Variants in ARGLU1 observed in about 807,000 individuals in gnomAD.
ARGLU1 encodes the protein arginine and glutamate-rich protein 1.
Under a neutral mutation model 37.6 loss-of-function variants are expected in ARGLU1, and 9 were observed. The observed-to-expected ratio is 0.24, with a 90% CI of 0.14 to 0.42. The LOEUF (loss-of-function observed/expected upper bound fraction) is 0.42, where lower values mean the gene tolerates loss of function less well. Among genes scored for constraint, ARGLU1 ranks in the 10% least tolerant of loss-of-function variants. ARGLU1 has a pLI of 1.00. For missense variants in ARGLU1, 211 were observed against 359.2 expected (o/e 0.59, Z 3.34); for synonymous variants, 166 against 138.5 (o/e 1.20, Z -1.39).
chr13:106,562,811 G>A (rs1042219804), intron 1 of ARGLU1, among the ~76,000 whole-genome samples: 3 of 151,312 alleles, frequency 2.0e-5, no homozygotes, highest in South Asian at 4.2e-4. Context: ...CTAACACGGT[G>A]AAACCCCATC....
chr13:106,563,611 C>G (rs1880877343), intron 1 of ARGLU1, among the ~76,000 whole-genome samples: 1 of 152,096 alleles, frequency 6.6e-6, no homozygotes, highest in Non-Finnish European at 1.5e-5. Context: ...CAAGATCAGC[C>G]TGGGAAACAT....
Position 106,567,735 on chromosome 13 carries a change from TTGG to T in ARGLU1, c.182_184del (p.Thr61del). 1 of 1,611,628 alleles carries T rather than the reference TTGG, an allele frequency of 6.2e-7. No individual in the cohort carries two copies. Among genetic ancestry groups the T allele is most frequent in the South Asian group, 1.1e-5 (1 of 90,920 alleles). ...CCGCTCGCGCCGGGACACGGCCGTG[TTGG>T]TGGAGCGCGAACGGGACCGCGACTC... On this transcript the variant is annotated inframe_deletion, in exon 1 of 4. Transcript: ENST00000400198. This position sits in a 1 kb window ranked among gnomAD's most constrained non-coding sequence, Gnocchi z 4.3.
chr13:106,566,366 GA>G (rs1880964023), intron 1 of ARGLU1, among the ~76,000 whole-genome samples: 1 of 152,158 alleles, frequency 6.6e-6, no homozygotes, highest in Non-Finnish European at 1.5e-5. Flanking sequence ...CCCAACTACA[GA>G]AAACTACAAA....
At position 106,542,750 on chromosome 13, in the gene ARGLU1, C is replaced by T. The variant is rs1880292924; in HGVS notation, c.*1246G>A. On this transcript the variant is annotated 3_prime_UTR_variant, in exon 4 of 4. Transcript: ENST00000400198. ...TCTTGAATGTTTTAATACCAGTATA[C>T]TTAAACATATGTTAAGAGTAAATGA... is the stretch of plus-strand genomic sequence containing the variant. 6.6e-6 allele frequency: 1 copy of T among 150,588 alleles called. No individual in the cohort carries two copies. Among genetic ancestry groups the T allele is most frequent in the South Asian group, 2.1e-4 (1 of 4,796 alleles). The allele number at this position is 150,588 out of a possible 1,614,324, so 9.3% of individuals were successfully genotyped here.
chr13:106,549,115 T>C (rs1880470188), intron 3 of ARGLU1, among the ~76,000 whole-genome samples: 1 of 152,222 alleles, frequency 6.6e-6, no homozygotes, highest in Non-Finnish European at 1.5e-5. Flanking sequence ...CTAAGCATTC[T>C]CCTTCTTAAA....
chr13:106,548,714 C>G (rs1880458022), intron 3 of ARGLU1, among the ~76,000 whole-genome samples: 1 of 152,060 alleles, frequency 6.6e-6, no homozygotes, highest in South Asian at 2.1e-4. Context: ...GTTAAAAGGC[C>G]TACTTACCCC....
chr13:106,564,547 CTA>C (rs1351980987), intron 1 of ARGLU1, among the ~76,000 whole-genome samples: 1 of 152,186 alleles, frequency 6.6e-6, no homozygotes, highest in Non-Finnish European at 1.5e-5. Context: ...GCACTTGACA[CTA>C]TGCATTTTTA....
At chr13:106,551,578 T>C (rs968242001) in intron 3 of ARGLU1, among the ~76,000 whole-genome samples, 1 of 152,206 alleles carries the variant, frequency 6.6e-6, no homozygotes, top group Non-Finnish European at 1.5e-5. Context: ...TCCACATTTT[T>C]AGGTAACATA....
chr13:106,559,133 C>T (rs1242105936), intron 2 of ARGLU1: 8 of 1,317,886 alleles, frequency 6.1e-6, no homozygotes, highest in African/African-American at 1.5e-5. Context: ...CACCGTCCTC[C>T]CAAAAAAGAA....
In ARGLU1 at chr13:106,559,248, T is replaced by C. The variant is rs1208881033; in HGVS notation, c.573+184A>G. 5 of 1,531,272 alleles carry C rather than the reference T, an allele frequency of 3.3e-6. No homozygotes were observed. In the Admixed American group the frequency reaches 5.9e-5, roughly 18 times the overall value. The allele number at this position is 1,531,272 out of a possible 1,614,324, so 94.9% of individuals were successfully genotyped here. On this transcript the variant is annotated intron_variant, in intron 2 of 3. Transcript: ENST00000400198. ...TATGTTTTATAAAAGCTTCCAACTT[T>C]TAAGTTATCAGTCAGCACTTCTGAA...
intron 1 of ARGLU1, among the ~76,000 whole-genome samples, chr13:106,566,442 G>C (rs1880965690): frequency 1.3e-5 from 2 of 152,324 alleles, no homozygotes; most frequent in South Asian, 4.1e-4. Context: ...TAACGTTCTT[G>C]CTTCATGAGC....
chr13:106,552,476 A>G (rs1195828851), intron 3 of ARGLU1, among the ~76,000 whole-genome samples: 2 of 152,148 alleles, frequency 1.3e-5, no homozygotes, highest in Non-Finnish European at 2.9e-5. Flanking sequence ...TACGGTTTGT[A>G]TTTTACAATC....
Position 106,557,925 on chromosome 13 carries a change from C to G in ARGLU1, c.574-794G>C. 1.0e-6 allele frequency: 1 copy of G among 985,418 alleles called. No homozygotes were observed. The highest frequency in any genetic ancestry group is 4.7e-5 in the South Asian group (1 of 21,286). 61.0% of individuals were successfully genotyped at this position (985,418 alleles called of 1,614,324 possible). A position where few individuals can be genotyped will look rare whatever the true frequency, so the allele number is the denominator to read the frequency against. ...CTTATATTGTCATCTACAATCTGAA[C>G]TGAAACTCAGAAATCCAGGGGATGC... On this transcript the variant is annotated intron_variant, in intron 2 of 3. Transcript: ENST00000400198. This position sits in a 1 kb window ranked among gnomAD's most constrained non-coding sequence, Gnocchi z 5.0.
chr13:106,542,988 A>G lies in ARGLU1; in HGVS notation c.*1008T>C, dbSNP rs1484179694. On this transcript the variant is annotated 3_prime_UTR_variant, in exon 4 of 4. Coordinates refer to ENST00000400198, the MANE Select transcript of ARGLU1 (RefSeq NM_018011.4). ...CTCTGAAAACGATCTCAGATTCCAT[A>G]ATTTAAAAGCATTTTTCTAGCCTTT... is the stretch of plus-strand genomic sequence containing the variant. 1 of 152,066 alleles carries G rather than the reference A, an allele frequency of 6.6e-6. No individual in the cohort carries two copies. Among genetic ancestry groups the G allele is most frequent in the Non-Finnish European group, 1.5e-5 (1 of 67,938 alleles). 9.4% of individuals were successfully genotyped at this position (152,066 alleles called of 1,614,324 possible).
intron 3 of ARGLU1, among the ~76,000 whole-genome samples, chr13:106,550,249 T>C (rs548982103): frequency 7.9e-5 from 12 of 152,298 alleles, no homozygotes; most frequent in African/African-American, 2.4e-4. Flanking sequence ...GCTACTTTGG[T>C]GATTCAAGGC....
chr13:106,557,112 C>T lies in ARGLU1; in HGVS notation c.593G>A (p.Arg198His), dbSNP rs1880680322. The T allele has an allele frequency of 2.5e-6, 4 of 1,613,814 alleles. No homozygotes were observed. Among genetic ancestry groups the T allele is most frequent in the Non-Finnish European group, 3.4e-6 (4 of 1,179,778 alleles). Residue 198 changes from arginine (R) to histidine (H), a missense_variant, in exon 3 of 4, where the codon CGT becomes CAT. Around this residue, in one of 3 missense-constraint regions of ARGLU1, gnomAD observed 80 missense variants for 158.4 expected, o/e 0.51. Transcript: ENST00000400198. This position sits in a 1 kb window ranked among gnomAD's most constrained non-coding sequence, Gnocchi z 5.0. ...TTCCAGTATTCGCTCTAGCTCCTCA[C>T]GTTTTGCACGTTCTTCCTCCTAAAG... Reference protein sequence around the residue: ...KAREEEERAKREELERILEEN... With the variant: ...KAREEEERAKHEELERILEEN...
rs184414735 is a variant in ARGLU1, at chr13:106,546,770, G to A, written c.658-2610C>T. 7.2e-5 allele frequency among the ~76,000 whole-genome samples: 11 copies of A among 152,182 alleles called. No individual in the cohort carries two copies. In the East Asian group the frequency reaches 1.9e-3, roughly 27 times the overall value. ...CATCCTAGAGCCCTGGAGAGTGAGG[G>A]TACATAAAGAACATCACAACCTTAA... On this transcript the variant is annotated intron_variant, in intron 3 of 3. Transcript: ENST00000400198.
At position 106,558,028 on chromosome 13, in the gene ARGLU1, G is replaced by A. The variant is rs1594192672; in HGVS notation, c.574-897C>T. 7.1e-6 allele frequency: 7 copies of A among 985,170 alleles called. No homozygotes were observed. In the South Asian group the frequency reaches 1.9e-4, roughly 26 times the overall value. 61.0% of individuals were successfully genotyped at this position (985,170 alleles called of 1,614,324 possible). A position where few individuals can be genotyped will look rare whatever the true frequency, so the allele number is the denominator to read the frequency against. ...GATTTTATAATGCAAACTGTATGAA[G>A]ACTGCTTGATGGCTTGAGCAGTGTT... On this transcript the variant is annotated intron_variant, in intron 2 of 3. Coordinates refer to ENST00000400198, the MANE Select transcript of ARGLU1 (RefSeq NM_018011.4).
Position 106,567,809 on chromosome 13 carries a change from C to T in ARGLU1, c.111G>A (p.Val37=), listed in dbSNP as rs1475148353. Residue 37 remains valine, a synonymous_variant, in exon 1 of 4, where the codon GTG becomes GTA. Coordinates refer to ENST00000400198, the MANE Select transcript of ARGLU1 (RefSeq NM_018011.4). The surrounding 1 kb of genome is among the most constrained non-coding windows in gnomAD (Gnocchi z 4.3). The part of the protein sequence containing the change: ...SRSRSRDKER[V]RKRSKSRESK... Reference sequence around the variant, plus strand: ...TTTCCCGAGATTTGGAACGCTTCCGCACGCGCTCCTTGTCCCGGGATCGCG... The same window carrying T: ...TTTCCCGAGATTTGGAACGCTTCCGTACGCGCTCCTTGTCCCGGGATCGCG... The T allele has an allele frequency of 1.2e-6, 2 of 1,613,708 alleles. No individual in the cohort carries two copies. Among genetic ancestry groups the T allele is most frequent in the South Asian group, 2.2e-5 (2 of 91,066 alleles).
Sources: gnomAD v4.1 joint callset for allele counts (sites outside exome capture counted in the v4.1 genomes callset) on GRCh38, gnomAD v4.1.1 for gene constraint, gnomAD v4.1.1 regional missense constraint, Gnocchi (gnomAD v3.1) non-coding constraint, MANE v1.5 for transcripts, NCBI Gene and HGNC (gene_info 2026-07-23, HGNC 2026-07-21) for gene names.